CLVS1: variants seen among roughly 807,000 people sequenced by gnomAD.
CLVS1 encodes the protein clavesin-1.
CLVS1 carries 10 observed loss-of-function variants against 33.1 expected under a neutral mutation model. The observed-to-expected ratio is 0.30, with a 90% CI of 0.19 to 0.51. The LOEUF is 0.51. Among genes scored for constraint, CLVS1 ranks in the 20% least tolerant of loss-of-function variants. The probability of loss-of-function intolerance (pLI) is 0.97; values close to 1 mark genes in which losing one functional copy is unlikely to be tolerated. For synonymous variants in CLVS1, 163 were observed against 166.1 expected (o/e 0.98, Z 0.14); for missense variants, 343 against 433.4 (o/e 0.79, Z 1.85).
the CLVS1 span, chr8:60,965,221 C>G: frequency 6.6e-6 from 1 of 152,178 alleles, no homozygotes; most frequent in African/African-American, 2.4e-5. Flanking sequence ...CTCCTTGTTT[C>G]TTTCTCTTGA....
intron 2 of CLVS1, among the ~76,000 whole-genome samples, chr8:61,237,127 C>A (rs992210009): frequency 1.3e-5 from 2 of 152,164 alleles, no homozygotes; most frequent in Non-Finnish European, 2.9e-5. Context: ...TTAGCTGGAC[C>A]TTTATTATTA....
intron 3 of CLVS1, among the ~76,000 whole-genome samples, chr8:61,423,074 C>T (rs1454373079): frequency 6.6e-6 from 1 of 152,070 alleles, no homozygotes; most frequent in Non-Finnish European, 1.5e-5. Context: ...GATCAAAGTG[C>T]ATCTCAAAGC....
At chr8:61,101,795 G>A (rs373836008) in intron 1 of CLVS1, among the ~76,000 whole-genome samples, 30 of 139,704 alleles carry the variant, frequency 2.1e-4, no homozygotes, top group African/African-American at 7.2e-4. Flanking sequence ...TATGGTGTGA[G>A]TAGGAGTCCA....
At chr8:61,120,659 G>C (rs1387888677) in intron 1 of CLVS1, among the ~76,000 whole-genome samples, 2 of 135,624 alleles carry the variant, frequency 1.5e-5, no homozygotes, top group Non-Finnish European at 3.2e-5. Context: ...GCCCCTGCTG[G>C]GGGGTGCCTC....
chr8:61,357,464 TTTTCCTTCTTTTTC>T (rs1812767070), intron 2 of CLVS1, among the ~76,000 whole-genome samples: 1 of 150,584 alleles, frequency 6.6e-6, no homozygotes, highest in East Asian at 1.9e-4. Flanking sequence ...GGACGTTTTT[TTTTCCTTCTTTTTC>T]TTTCCTTTTT....
the CLVS1 span, among the ~76,000 whole-genome samples, chr8:61,044,746 C>G: frequency 0.099 from 15,099 of 152,214 alleles, 1,031 homozygotes; most frequent in African/African-American, 0.19. Flanking sequence ...GAGTCTCACA[C>G]CAGTACTGCC....
At chr8:61,383,031 G>C (rs1813947070) in intron 3 of CLVS1, among the ~76,000 whole-genome samples, 1 of 152,224 alleles carries the variant, frequency 6.6e-6, no homozygotes, top group South Asian at 2.1e-4. Context: ...GCCCTTGTCT[G>C]TGGGCCCATG....
chr8:61,332,803 G>A (rs1416015230), intron 2 of CLVS1, among the ~76,000 whole-genome samples: 8 of 151,972 alleles, frequency 5.3e-5, no homozygotes, highest in Admixed American at 1.3e-4. Flanking sequence ...CACCATGCCC[G>A]GGTAGGTTTT....
At chr8:60,973,205 C>A in the CLVS1 span, among the ~76,000 whole-genome samples, 1 of 152,118 alleles carries the variant, frequency 6.6e-6, no homozygotes, top group South Asian at 2.1e-4. Context: ...TGTCACACTG[C>A]GCAAGTTAAA....
At chr8:61,481,668 T>G (rs940676427) in intron 5 of CLVS1, among the ~76,000 whole-genome samples, 3 of 152,132 alleles carry the variant, frequency 2.0e-5, no homozygotes, top group Admixed American at 6.5e-5. Context: ...CTGTCATTGC[T>G]GAGGCTTGAG....
At chr8:61,348,721 C>A (rs1448809499) in intron 2 of CLVS1, among the ~76,000 whole-genome samples, 1 of 152,000 alleles carries the variant, frequency 6.6e-6, no homozygotes, top group Non-Finnish European at 1.5e-5. Context: ...GATTTCATGT[C>A]CTTTGACTAT....
intron 2 of CLVS1, among the ~76,000 whole-genome samples, chr8:61,210,241 G>T (rs1385976717): frequency 2.0e-5 from 3 of 152,190 alleles, no homozygotes; most frequent in Non-Finnish European, 4.4e-5. Context: ...TTATGGAGGA[G>T]GTAGAAAGGA....
intron 2 of CLVS1, among the ~76,000 whole-genome samples, chr8:61,331,829 C>T (rs370131639): frequency 4.3e-4 from 63 of 147,004 alleles, no homozygotes; most frequent in Admixed American, 1.2e-3. Flanking sequence ...CCTCTTCCTC[C>T]TCCTCCTCCT....
chr8:61,121,148 A>G (rs1391145609), intron 1 of CLVS1, among the ~76,000 whole-genome samples: 1 of 151,856 alleles, frequency 6.6e-6, no homozygotes, highest in Non-Finnish European at 1.5e-5. Context: ...AGGTGCCGTC[A>G]GTCACCCCTT....
At chr8:61,086,035 CAAAAAAAAAAAAAAAAAAA>C (rs4033854) in intron 1 of CLVS1, among the ~76,000 whole-genome samples, 747 of 31,162 alleles carry the variant, frequency 0.024, 7 homozygotes, top group Middle Eastern at 0.056. Context: ...GACTCCCTCT[CAAAAAAAAAAAAAAAAAAA>C]AAAAAAAAAA....
chr8:61,273,055 A>C (rs1457616332), intron 2 of CLVS1, among the ~76,000 whole-genome samples: 1 of 150,728 alleles, frequency 6.6e-6, no homozygotes, highest in East Asian at 1.9e-4. Context: ...GTTCCTTTGG[A>C]GCAGAGGCGC....
chr8:61,363,996 T>C (rs1434255580), intron 2 of CLVS1, among the ~76,000 whole-genome samples: 2 of 152,182 alleles, frequency 1.3e-5, no homozygotes, highest in African/African-American at 2.4e-5. Flanking sequence ...CTCTCATATT[T>C]ACAGTGCTCT....
At chr8:61,134,226 A>G (rs1044893879) in intron 2 of CLVS1, among the ~76,000 whole-genome samples, 1 of 152,160 alleles carries the variant, frequency 6.6e-6, no homozygotes, top group Admixed American at 6.5e-5. Context: ...TGCTCAGCAC[A>G]TGCTTAGTAC....
chr8:61,441,547 A>G (rs1816544602), intron 3 of CLVS1, among the ~76,000 whole-genome samples: 1 of 152,180 alleles, frequency 6.6e-6, no homozygotes, highest in African/African-American at 2.4e-5. Context: ...GCAAGGTGAT[A>G]TTGAGTTCAG....
Sources: allele counts gnomAD v4.1 joint callset (sites outside exome capture counted in the v4.1 genomes callset), GRCh38; gene constraint gnomAD v4.1.1; transcripts MANE v1.5; gene names NCBI Gene and HGNC (gene_info 2026-07-23, HGNC 2026-07-21).